Variants in GALNT6 observed in about 807,000 individuals in gnomAD.
GALNT6 encodes polypeptide N-acetylgalactosaminyltransferase 6.
A neutral mutation model predicts 65.9 loss-of-function variants in GALNT6; 51 were observed. That is an observed-to-expected ratio of 0.77 (90% CI 0.62 to 0.98). GALNT6 has a LOEUF of 0.98. Among genes scored for constraint, GALNT6 ranks in the 50% least tolerant of loss-of-function variants. The probability of loss-of-function intolerance (pLI) is 0.00; values close to 1 mark genes in which losing one functional copy is unlikely to be tolerated. For synonymous variants in GALNT6, 323 were observed against 315.1 expected, an observed-to-expected ratio of 1.02 and a Z score of -0.26; for missense variants, 708 against 803.3, an observed-to-expected ratio of 0.88 and a Z score of 1.43.
chr12:51,354,678 G>A (rs1277924743), intron 11 of GALNT6, among the ~76,000 whole-genome samples, 186 bp from the exon 12 acceptor site: 1 of 152,090 alleles, frequency 6.6e-6, no homozygotes, highest in Non-Finnish European at 1.5e-5. Context: ...TCTATCTGGT[G>A]CCAAATCCCC....
intron 7 of GALNT6, 153 bp from the exon 8 acceptor site, chr12:51,359,485 A>C (rs972559878): frequency 1.6e-4 from 92 of 567,022 alleles, no homozygotes; most frequent in Non-Finnish European, 2.5e-5. Flanking sequence ...GATACCGACC[A>C]GGCTTCTTCC....
At chr12:51,357,560 C>T in intron 9 of GALNT6, 110 bp from the exon 10 acceptor site, 2 of 710,332 alleles carry the variant, frequency 2.8e-6, no homozygotes, top group Non-Finnish European at 5.2e-6. Context: ...AACAAATTTG[C>T]ATGGCTGGAT....
At chr12:51,375,368 C>T (rs1947417791) in intron 4 of GALNT6, among the ~76,000 whole-genome samples, 1 of 152,140 alleles carries the variant, frequency 6.6e-6, no homozygotes, top group South Asian at 2.1e-4. Context: ...CACTGCAGAC[C>T]AGCCCTAGCC....
Position 51,352,471 on chromosome 12 carries a change from TA to T in GALNT6, c.*1907del, listed in dbSNP as rs983499918. On this transcript the variant is annotated 3_prime_UTR_variant, in exon 12 of 12. Transcript: ENST00000356317. ...GTTGTGCTTCCAGATTGTTAGAAGT[TA>T]GGGGCTGGAAGGCATTACCTGTCCC... 1.1e-4 allele frequency: 16 copies of T among 152,228 alleles called. No individual in the cohort carries two copies. The highest frequency in any genetic ancestry group is 3.9e-4 in the African/African-American group (16 of 41,460). The allele number at this position is 152,228 out of a possible 1,614,324, so 9.4% of individuals were successfully genotyped here.
intron 3 of GALNT6, among the ~76,000 whole-genome samples, chr12:51,378,886 C>T (rs971705971): frequency 2.8e-5 from 4 of 143,022 alleles, no homozygotes; most frequent in Non-Finnish European, 4.5e-5. Flanking sequence ...ATGCCCACCC[C>T]CCCCCCAAAC....
rs930751408 is a variant in GALNT6 at position 51,353,161 on chromosome 12, A to G, written c.*1218T>C. 17 of 152,228 alleles carry G rather than the reference A, an allele frequency of 1.1e-4. No homozygotes were observed. Among genetic ancestry groups the G allele is most frequent in the Admixed American group, 9.2e-4 (14 of 15,268 alleles). The allele number at this position is 152,228 out of a possible 1,614,324, so 9.4% of individuals were successfully genotyped here. A position where few individuals can be genotyped will look rare whatever the true frequency, so the allele number is the denominator to read the frequency against. On this transcript the variant is annotated 3_prime_UTR_variant, in exon 12 of 12. Coordinates refer to ENST00000356317, the MANE Select transcript of GALNT6 (RefSeq NM_007210.4). ...ATCTGCTAGCTATGGGACTACAGAC[A>G]AGCCCCTTTACCTGTGTCTCAGTTT...
In GALNT6 at chr12:51,359,593, T is replaced by C. The variant is rs991525566; in HGVS notation, c.1168-261A>G. ...GTCCTGTGTTTACCAGGGCCCACTT[T>C]AGGGAAAAGCCTGCTGGTTAATTTT... On this transcript the variant is annotated intron_variant, in intron 7 of 11. Transcript: ENST00000356317. The C allele has an allele frequency of 8.7e-6, 3 of 346,632 alleles. No individual in the cohort carries two copies. The East Asian group carries it at 1.3e-4, about 15-fold the overall frequency. 21.5% of individuals were successfully genotyped at this position (346,632 alleles called of 1,614,324 possible). A position where few individuals can be genotyped will look rare whatever the true frequency, so the allele number is the denominator to read the frequency against.
intron 4 of GALNT6, 49 bp downstream of exon 4, chr12:51,377,146 G>C: frequency 6.4e-7 from 1 of 1,551,284 alleles, no homozygotes; most frequent in Admixed American, 1.7e-5. Flanking sequence ...CCTCCTTTGA[G>C]TGCCCAGGGG....
intron 10 of GALNT6, among the ~76,000 whole-genome samples, chr12:51,356,344 A>G (rs1946744503): frequency 1.7e-5 from 2 of 120,922 alleles, no homozygotes; most frequent in Non-Finnish European, 3.4e-5. Flanking sequence ...CCCAACCAGT[A>G]TATTTTCTCT....
At chr12:51,365,942 G>C (rs999703291) in intron 4 of GALNT6, among the ~76,000 whole-genome samples, 1 of 152,076 alleles carries the variant, frequency 6.6e-6, no homozygotes, top group Non-Finnish European at 1.5e-5. Flanking sequence ...TGTTGAGATG[G>C]AGTCTCATTC....
chr12:51,366,547 C>T (rs904795950), intron 4 of GALNT6, among the ~76,000 whole-genome samples: 1 of 152,132 alleles, frequency 6.6e-6, no homozygotes, highest in Non-Finnish European at 1.5e-5. Context: ...CTACCACGGA[C>T]CAGGCACAGT....
Position 51,364,237 on chromosome 12 carries a change from G to C in GALNT6, c.933C>G (p.Pro311=). ...IDLNTFEFAK[P]VQRGRVHSRG... ...GGCTATGGACTCTGCCCCTCTGGAC[G>C]GGCTTGGCGAACTCAAAAGTATTAA... The change falls in exon 6 of 12, where the codon CCC becomes CCG. Residue 311 remains proline (P), a synonymous_variant. Coordinates refer to ENST00000356317, the MANE Select transcript of GALNT6 (RefSeq NM_007210.4). 6.2e-7 allele frequency: 1 copy of C among 1,614,080 alleles called. No individual in the cohort carries two copies. The highest frequency in any genetic ancestry group is 8.5e-7 in the Non-Finnish European group (1 of 1,179,936).
intron 8 of GALNT6, 40 bp from the exon 9 acceptor site, chr12:51,358,301 G>GT (rs5798170): frequency 0.15 from 205,867 of 1,388,316 alleles, 11 homozygotes; most frequent in East Asian, 0.2. Flanking sequence ...AGTTCCACCA[G>GT]TTTTTTTTTT....
chr12:51,389,215 C>T (rs1947935439), intron 2 of GALNT6, among the ~76,000 whole-genome samples: 1 of 152,254 alleles, frequency 6.6e-6, no homozygotes, highest in Non-Finnish European at 1.5e-5. Context: ...ACGGCATGGA[C>T]ACACCCAACC....
At chr12:51,384,915 C>G (rs115419620) in intron 2 of GALNT6, among the ~76,000 whole-genome samples, 1 of 152,102 alleles carries the variant, frequency 6.6e-6, no homozygotes, top group African/African-American at 2.4e-5. Flanking sequence ...TTTTAAAAAC[C>G]CAGAATAGAA....
intron 2 of GALNT6, among the ~76,000 whole-genome samples, chr12:51,385,179 G>T (rs1034599481): frequency 1.3e-5 from 2 of 152,070 alleles, no homozygotes; most frequent in Admixed American, 6.6e-5. Context: ...GTAGAGATGG[G>T]GGTCTCACTA....
intron 8 of GALNT6, 49 bp downstream of exon 8, chr12:51,359,083 G>A: frequency 1.4e-6 from 2 of 1,442,884 alleles, no homozygotes; most frequent in Non-Finnish European, 1.9e-6. Flanking sequence ...AGGGTCTGGG[G>A]GCCGTACTTC....
intron 2 of GALNT6, among the ~76,000 whole-genome samples, 192 bp downstream of exon 2, chr12:51,390,658 G>A (rs1948044330): frequency 6.6e-6 from 1 of 152,218 alleles, no homozygotes; most frequent in African/African-American, 2.4e-5. Context: ...TCTTTGGTGT[G>A]TCCAGAACTA....
intron 9 of GALNT6, among the ~76,000 whole-genome samples, chr12:51,357,884 GCCTTC>G (rs1286820743): frequency 6.6e-6 from 1 of 152,186 alleles, no homozygotes; most frequent in Non-Finnish European, 1.5e-5. Flanking sequence ...GTTTTACCGT[GCCTTC>G]CTGGTGATTC....
Sources: gnomAD v4.1 joint callset for allele counts (sites outside exome capture counted in the v4.1 genomes callset) on GRCh38, gnomAD v4.1.1 for gene constraint, MANE v1.5 for transcripts, NCBI Gene and HGNC (gene_info 2026-07-23, HGNC 2026-07-21) for gene names.